Variants in DPP10 observed in about 807,000 individuals in gnomAD.
DPP10 encodes the protein inactive dipeptidyl peptidase 10.
Under a neutral mutation model 120.9 loss-of-function variants are expected in DPP10, and 33 were observed. That is an observed-to-expected ratio of 0.27 (90% CI 0.21 to 0.37). The LOEUF is 0.37. Ranked by LOEUF, DPP10 falls within the 10% of genes least tolerant of loss-of-function variation. The pLI, the probability that DPP10 is intolerant of heterozygous loss-of-function variation, is 1.00. For missense variants in DPP10, 816 were observed against 942.8 expected, an observed-to-expected ratio of 0.87 and a Z score of 1.76; for synonymous variants, 337 against 326.1, an observed-to-expected ratio of 1.03 and a Z score of -0.36.
chr2:115,159,750 A>C (rs2052168332), intron 1 of DPP10, among the ~76,000 whole-genome samples: 1 of 152,172 alleles, frequency 6.6e-6, no homozygotes, highest in African/African-American at 2.4e-5. Context: ...ACAGACCCCC[A>C]CAATACATGA....
At chr2:114,740,476 G>T (rs1274220399) in intron 1 of DPP10, among the ~76,000 whole-genome samples, 1 of 147,612 alleles carries the variant, frequency 6.8e-6, no homozygotes, top group African/African-American at 2.6e-5. Context: ...CCTGCACATT[G>T]TGCACATGTA....
At chr2:115,326,671 G>C (rs372529227) in intron 2 of DPP10, among the ~76,000 whole-genome samples, 1 of 151,940 alleles carries the variant, frequency 6.6e-6, no homozygotes, top group Non-Finnish European at 1.5e-5. Flanking sequence ...TACTGACCCT[G>C]TGTAGGCCTA....
At chr2:115,759,676 T>TAC (rs934598242) in intron 11 of DPP10, among the ~76,000 whole-genome samples, 1 of 143,492 alleles carries the variant, frequency 7.0e-6, no homozygotes, top group African/African-American at 2.6e-5. Flanking sequence ...AAGACATATA[T>TAC]ACACACACAC....
chr2:115,324,155 A>C (rs939111511), intron 2 of DPP10, among the ~76,000 whole-genome samples: 3 of 152,156 alleles, frequency 2.0e-5, no homozygotes, highest in African/African-American at 7.2e-5. Flanking sequence ...ACGTGCCTAT[A>C]GTCCCAGCTA....
intron 9 of DPP10, among the ~76,000 whole-genome samples, chr2:115,743,962 T>A (rs961372725): frequency 3.3e-5 from 5 of 150,544 alleles, no homozygotes; most frequent in African/African-American, 1.2e-4. Flanking sequence ...AAGAAGCCCC[T>A]CAGGACCTCT....
chr2:115,161,845 T>C, intron 1 of DPP10: 22 of 505,486 alleles, frequency 4.4e-5, no homozygotes, highest in East Asian at 1.1e-4. Flanking sequence ...ACCCCGTCCC[T>C]TCCGCCGATT....
chr2:115,599,178 G>A (rs1290351333), intron 5 of DPP10, among the ~76,000 whole-genome samples: 1 of 151,756 alleles, frequency 6.6e-6, no homozygotes, highest in Non-Finnish European at 1.5e-5. Flanking sequence ...GTCTTATTTG[G>A]CATTTGCTCA....
chr2:115,665,504 C>T (rs2089376665), intron 5 of DPP10, among the ~76,000 whole-genome samples: 1 of 152,066 alleles, frequency 6.6e-6, no homozygotes, highest in South Asian at 2.1e-4. Context: ...TTACTCATTT[C>T]CAAAATTGAA....
intron 1 of DPP10, among the ~76,000 whole-genome samples, chr2:114,907,175 T>G (rs1020856397): frequency 5.9e-5 from 9 of 152,188 alleles, no homozygotes; most frequent in Admixed American, 2.6e-4. Flanking sequence ...AGTAGTAATT[T>G]TAGCAATGTA....
chr2:114,822,540 C>G (rs960554520), intron 1 of DPP10, among the ~76,000 whole-genome samples: 2 of 152,080 alleles, frequency 1.3e-5, no homozygotes, highest in Non-Finnish European at 2.9e-5. Flanking sequence ...ATTACTGTAG[C>G]AGGGTTGAAT....
chr2:115,183,918 TAA>T (rs1476774957), intron 1 of DPP10, among the ~76,000 whole-genome samples: 5 of 152,094 alleles, frequency 3.3e-5, no homozygotes, highest in Non-Finnish European at 5.9e-5. Context: ...TGGGGGCCTC[TAA>T]AAGTGTCCAT....
At chr2:115,670,124 A>G (rs1415542123) in intron 5 of DPP10, among the ~76,000 whole-genome samples, 1 of 152,078 alleles carries the variant, frequency 6.6e-6, no homozygotes, top group Non-Finnish European at 1.5e-5. Flanking sequence ...CAGAGATCAG[A>G]GAATAAGCAC....
At chr2:114,508,633 G>T (rs1683877052) in intron 1 of DPP10, among the ~76,000 whole-genome samples, 1 of 152,104 alleles carries the variant, frequency 6.6e-6, no homozygotes, top group Admixed American at 6.6e-5. Context: ...ACAATGGGAA[G>T]TATAGCACAT....
intron 1 of DPP10, among the ~76,000 whole-genome samples, chr2:115,181,926 A>C (rs1158573767): frequency 6.6e-6 from 1 of 152,238 alleles, no homozygotes; most frequent in Non-Finnish European, 1.5e-5. Flanking sequence ...TGCTGTATTC[A>C]GCCATAATTT....
At chr2:115,619,805 G>C (rs918197667) in intron 5 of DPP10, among the ~76,000 whole-genome samples, 13 of 152,160 alleles carry the variant, frequency 8.5e-5, no homozygotes, top group African/African-American at 3.1e-4. Context: ...ACTCATGGAG[G>C]ATGAGACTTT....
In DPP10 at chr2:114,890,805, A is replaced by T. The variant is rs1378721900; in HGVS notation, c.61-418434A>T. On this transcript the variant is annotated intron_variant, in intron 1 of 25. Coordinates refer to ENST00000410059, the MANE Select transcript of DPP10 (RefSeq NM_020868.6). Reference sequence around the variant, plus strand: ...TTGTCTATGTTTAGAGCACGGTAGCAGGGTACAATATAGCCAAATGCTGTC... The same window carrying T: ...TTGTCTATGTTTAGAGCACGGTAGCTGGGTACAATATAGCCAAATGCTGTC... Among the ~76,000 whole-genome samples the T allele has an allele frequency of 2.6e-5, 4 of 152,334 alleles. No homozygotes were observed. The South Asian group carries it at 8.3e-4, about 32-fold the overall frequency.
rs563243710 is a variant in DPP10, at chr2:114,641,103, A to G, written c.60+198265A>G. ...CTTGTTCAATTCTCACAACAATCCT[A>G]TAAAAGAGCTGCTATTATTCCCATT... On this transcript the variant is annotated intron_variant, in intron 1 of 25. Transcript: ENST00000410059. Among the ~76,000 whole-genome samples, 10 of 152,102 alleles carry G rather than the reference A, an allele frequency of 6.6e-5. No individual in the cohort carries two copies. The South Asian group carries it at 1.9e-3, about 28-fold the overall frequency.
chr2:114,688,036 T>C (rs1040761625), intron 1 of DPP10, among the ~76,000 whole-genome samples: 1 of 152,026 alleles, frequency 6.6e-6, no homozygotes, highest in African/African-American at 2.4e-5. Flanking sequence ...TCACTCAATA[T>C]CTTGTGCCAC....
intron 1 of DPP10, among the ~76,000 whole-genome samples, chr2:114,470,094 A>G (rs1374405835): frequency 2.0e-5 from 3 of 152,320 alleles, no homozygotes; most frequent in South Asian, 2.1e-4. Flanking sequence ...TCTTGTCAAT[A>G]AATCTTCCTG....
Sources: gnomAD v4.1 joint callset for allele counts (sites outside exome capture counted in the v4.1 genomes callset) on GRCh38, gnomAD v4.1.1 for gene constraint, MANE v1.5 for transcripts, NCBI Gene and HGNC (gene_info 2026-07-23, HGNC 2026-07-21) for gene names.